PHKB: variants seen among roughly 807,000 people sequenced by gnomAD.
The protein encoded by PHKB is phosphorylase b kinase regulatory subunit beta.
Under a neutral mutation model 152.1 loss-of-function variants are expected in PHKB, and 122 were observed. That is an observed-to-expected ratio of 0.80 (90% CI 0.69 to 0.93). PHKB has a LOEUF of 0.93. Among genes scored for constraint, PHKB ranks in the 40% least tolerant of loss-of-function variants. The pLI is 0.00. For missense variants in PHKB, 1,304 were observed against 1,328.4 expected (o/e 0.98, Z 0.29); for synonymous variants, 436 against 464.9 (o/e 0.94, Z 0.80).
chr16:47,481,106 T>TG (rs1969956500), intron 1 of PHKB, among the ~76,000 whole-genome samples: 1 of 152,208 alleles, frequency 6.6e-6, no homozygotes, highest in Admixed American at 6.5e-5. Flanking sequence ...TGAGTTTGCT[T>TG]TGTCTCCCAC....
At chr16:47,615,657 C>G (rs979193576) in intron 14 of PHKB, among the ~76,000 whole-genome samples, 5 of 152,256 alleles carry the variant, frequency 3.3e-5, no homozygotes, top group Non-Finnish European at 7.3e-5. Flanking sequence ...TGCCATTCTT[C>G]AAGTGCTGAG....
intron 14 of PHKB, among the ~76,000 whole-genome samples, chr16:47,616,996 G>A (rs897283913): frequency 4.2e-4 from 63 of 151,720 alleles, no homozygotes; most frequent in African/African-American, 1.5e-3. Context: ...GTAGTTTTCT[G>A]CCCTGGGTGG....
intron 4 of PHKB, 141 bp downstream of exon 4, chr16:47,503,231 G>T: frequency 1.4e-6 from 1 of 691,846 alleles, no homozygotes. Flanking sequence ...TAGGTTAACA[G>T]CCTTTGCCAT....
chr16:47,577,549 C>T (rs556387425), intron 7 of PHKB, among the ~76,000 whole-genome samples: 2 of 152,172 alleles, frequency 1.3e-5, no homozygotes, highest in Admixed American at 1.3e-4. Flanking sequence ...GGTAGGTCTG[C>T]TGGTGATAGA....
chr16:47,547,143 C>T (rs781652708), intron 6 of PHKB, among the ~76,000 whole-genome samples: 5 of 152,174 alleles, frequency 3.3e-5, no homozygotes, highest in Admixed American at 1.3e-4. Context: ...TGAGGTGAAC[C>T]GGTTATCTCA....
At chr16:47,681,901 T>G (rs1207996433) in intron 26 of PHKB, among the ~76,000 whole-genome samples, 1 of 152,208 alleles carries the variant, frequency 6.6e-6, no homozygotes, top group Non-Finnish European at 1.5e-5. Context: ...TTTTGCAGTG[T>G]CTGGTACCAG....
intron 26 of PHKB, chr16:47,675,715 G>C (rs1973719617): frequency 6.6e-6 from 1 of 152,138 alleles, no homozygotes; most frequent in Non-Finnish European, 1.5e-5. Flanking sequence ...CTCCATCTCA[G>C]AATCCCATTG....
chr16:47,462,652 T>C (rs536955589), intron 1 of PHKB: 23 of 152,070 alleles, frequency 1.5e-4, no homozygotes, highest in Admixed American at 1.3e-3. Context: ...AAAAAATTAT[T>C]TTCTCACCTA....
intron 26 of PHKB, among the ~76,000 whole-genome samples, chr16:47,679,345 A>G (rs1199836807): frequency 6.6e-6 from 1 of 152,188 alleles, no homozygotes; most frequent in Non-Finnish European, 1.5e-5. Flanking sequence ...CATTGAATCT[A>G]TAAATTACCT....
chr16:47,608,962 C>T (rs1175357083), intron 13 of PHKB, among the ~76,000 whole-genome samples: 2 of 152,160 alleles, frequency 1.3e-5, no homozygotes, highest in South Asian at 2.1e-4. Context: ...AGTGGATATC[C>T]TTGTCTTATT....
intron 8 of PHKB, among the ~76,000 whole-genome samples, 153 bp downstream of exon 8, chr16:47,580,511 C>G (rs1220339300): frequency 6.7e-6 from 1 of 149,406 alleles, no homozygotes; most frequent in Non-Finnish European, 1.5e-5. Flanking sequence ...AAATGATTTG[C>G]CAGTTAAATT....
At chr16:47,683,113 G>A (rs148344855) in intron 26 of PHKB, among the ~76,000 whole-genome samples, 1,636 of 152,270 alleles carry the variant, frequency 0.011, 29 homozygotes, top group African/African-American at 0.036. Flanking sequence ...CTGCCTGATC[G>A]TTCCTCTGGA....
intron 14 of PHKB, among the ~76,000 whole-genome samples, chr16:47,622,952 A>G (rs1475993238): frequency 6.6e-6 from 1 of 152,232 alleles, no homozygotes; most frequent in Non-Finnish European, 1.5e-5. Context: ...CTTAAAGATC[A>G]ATGAACACTG....
chr16:47,693,132 C>T (rs1974090878), intron 27 of PHKB, among the ~76,000 whole-genome samples: 1 of 152,180 alleles, frequency 6.6e-6, no homozygotes, highest in South Asian at 2.1e-4. Context: ...CAATTCATAG[C>T]TTACTTACAG....
intron 14 of PHKB, among the ~76,000 whole-genome samples, chr16:47,622,159 A>G (rs1972628381): frequency 6.6e-6 from 1 of 152,174 alleles, no homozygotes; most frequent in Non-Finnish European, 1.5e-5. Flanking sequence ...TATTGTTTTA[A>G]TGAATCTATA....
At chr16:47,644,292 C>G (rs1973077650) in intron 16 of PHKB, among the ~76,000 whole-genome samples, 2 of 152,204 alleles carry the variant, frequency 1.3e-5, no homozygotes, top group Admixed American at 6.5e-5. Flanking sequence ...TCTAAAACCA[C>G]TGCTATTCCA....
chr16:47,488,349 T>G (rs1283111693), intron 1 of PHKB, among the ~76,000 whole-genome samples: 1 of 152,190 alleles, frequency 6.6e-6, no homozygotes, highest in Admixed American at 6.5e-5. Context: ...AGACCTTTGT[T>G]GGATGCAGAG....
intron 7 of PHKB, chr16:47,562,198 A>G (rs897393155): frequency 5.9e-5 from 9 of 152,268 alleles, no homozygotes; most frequent in Non-Finnish European, 7.3e-5. Context: ...CTTGTGCCCA[A>G]TGAGTGGACA....
At chr16:47,469,756 C>T (rs1969731617) in intron 1 of PHKB, among the ~76,000 whole-genome samples, 1 of 152,106 alleles carries the variant, frequency 6.6e-6, no homozygotes, top group African/African-American at 2.4e-5. Flanking sequence ...AAACCTAAAA[C>T]AAAATTTGAA....
Sources: gnomAD v4.1 joint callset for allele counts (sites outside exome capture counted in the v4.1 genomes callset) on GRCh38, gnomAD v4.1.1 for gene constraint, MANE v1.5 for transcripts, NCBI Gene and HGNC (gene_info 2026-07-23, HGNC 2026-07-21) for gene names.